PLCXD2: variants seen among roughly 807,000 people sequenced by gnomAD.
The protein encoded by PLCXD2 is PI-PLC X domain-containing protein 2.
Under a neutral mutation model 28.6 loss-of-function variants are expected in PLCXD2, and 21 were observed. The observed-to-expected ratio is 0.73, with a 90% CI of 0.52 to 1.06. PLCXD2 has a LOEUF of 1.06. PLCXD2 is among the 50% of genes least tolerant of loss of function. The pLI is 0.00. For missense variants in PLCXD2, 369 were observed against 376.7 expected (o/e 0.98, Z 0.17); for synonymous variants, 140 against 150.1 (o/e 0.93, Z 0.49).
In PLCXD2 at chr3:111,708,360, C is replaced by G; in HGVS notation, c.598C>G (p.Arg200Gly). 1 of 1,613,850 alleles carries G rather than the reference C, an allele frequency of 6.2e-7. No individual in the cohort carries two copies. The highest frequency in any genetic ancestry group is 8.5e-7 in the Non-Finnish European group (1 of 1,179,968). The change falls in exon 2 of 5, where the codon CGA (arginine) becomes GGA (glycine). Residue 200 changes from arginine to glycine, a missense_variant. Transcript: ENST00000477665. ...CTGCAGTGTGGAAAGTTTGACGCTG[C>G]GAACTCTGTGGGAGAAGAACTGCCA...
rs751872957 is a variant in PLCXD2, at chr3:111,708,206, G to C, written c.444G>C (p.Ser148=). 3 of 1,614,096 alleles carry C rather than the reference G, an allele frequency of 1.9e-6. No individual in the cohort carries two copies. Among genetic ancestry groups the C allele is most frequent in the South Asian group, 2.2e-5 (2 of 91,076 alleles). ...GGGATGGGCTGATGGAAATTGACTCGTTTCTTACACAGCACCCCCAGGAGA... is the reference window on the plus strand; with the variant it reads ...GGGATGGGCTGATGGAAATTGACTCCTTTCTTACACAGCACCCCCAGGAGA... Residue 148 remains serine (S), a synonymous_variant, in exon 2 of 5, where the codon TCG becomes TCC. Coordinates refer to ENST00000477665, the MANE Select transcript of PLCXD2 (RefSeq NM_001185106.1).
At chr3:111,719,734 T>C (rs1006632398) in intron 3 of PLCXD2, among the ~76,000 whole-genome samples, 1 of 152,206 alleles carries the variant, frequency 6.6e-6, no homozygotes, top group African/African-American at 2.4e-5. Context: ...CTGTTGCCTC[T>C]GGGAGAATGG....
chr3:111,715,862 T>C (rs1941260126), intron 3 of PLCXD2, among the ~76,000 whole-genome samples: 1 of 152,230 alleles, frequency 6.6e-6, no homozygotes, highest in South Asian at 2.1e-4. Flanking sequence ...CCTGCAGTTG[T>C]CTTATTAGTA....
At chr3:111,688,612 C>T (rs1046457747) in intron 1 of PLCXD2, among the ~76,000 whole-genome samples, 1 of 152,218 alleles carries the variant, frequency 6.6e-6, no homozygotes, top group African/African-American at 2.4e-5. Context: ...CCATAAATCA[C>T]ATCCTTATAC....
chr3:111,694,368 A>C (rs1279629291), intron 1 of PLCXD2, among the ~76,000 whole-genome samples: 1 of 152,210 alleles, frequency 6.6e-6, no homozygotes, highest in Non-Finnish European at 1.5e-5. Context: ...TCCAGCTACC[A>C]GTATTCACTG....
At chr3:111,703,790 T>C (rs539239063) in intron 1 of PLCXD2, among the ~76,000 whole-genome samples, 1 of 152,198 alleles carries the variant, frequency 6.6e-6, no homozygotes, top group Non-Finnish European at 1.5e-5. Context: ...TTAACAGAGA[T>C]AACCAATGTG....
intron 2 of PLCXD2, among the ~76,000 whole-genome samples, chr3:111,710,741 G>A (rs868439013): frequency 1.2e-4 from 18 of 152,204 alleles, no homozygotes; most frequent in Non-Finnish European, 1.6e-4. Context: ...CAGAATGGGA[G>A]AAAGGGATGG....
At chr3:111,691,007 T>A (rs1004304518) in intron 1 of PLCXD2, among the ~76,000 whole-genome samples, 4 of 152,216 alleles carry the variant, frequency 2.6e-5, no homozygotes, top group South Asian at 4.1e-4. Context: ...GCCAATGCAT[T>A]TAATCACTGT....
At chr3:111,715,828 G>T (rs946062796) in intron 3 of PLCXD2, among the ~76,000 whole-genome samples, 1 of 152,154 alleles carries the variant, frequency 6.6e-6, no homozygotes, top group Non-Finnish European at 1.5e-5. Context: ...ATATTTTTGT[G>T]CTTATTCTTT....
At chr3:111,700,456 T>C (rs1941025304) in intron 1 of PLCXD2, among the ~76,000 whole-genome samples, 1 of 152,232 alleles carries the variant, frequency 6.6e-6, no homozygotes, top group Non-Finnish European at 1.5e-5. Flanking sequence ...GGGACTTGTA[T>C]GTCCATATTT....
At chr3:111,695,005 A>C (rs971086882) in intron 1 of PLCXD2, among the ~76,000 whole-genome samples, 2 of 152,184 alleles carry the variant, frequency 1.3e-5, no homozygotes, top group Non-Finnish European at 2.9e-5. Flanking sequence ...GTTTTTAATC[A>C]GGGTGAACTT....
intron 3 of PLCXD2, chr3:111,725,778 A>T: frequency 2.5e-6 from 1 of 398,578 alleles, no homozygotes; most frequent in South Asian, 1.3e-4. Flanking sequence ...GGGGGAATTC[A>T]GGCTCACCAT....
At chr3:111,699,179 G>T (rs1279670175) in intron 1 of PLCXD2, among the ~76,000 whole-genome samples, 2 of 152,122 alleles carry the variant, frequency 1.3e-5, no homozygotes, top group East Asian at 3.9e-4. Context: ...CCCAGATGGG[G>T]AGTTTCTCTC....
chr3:111,679,400 C>A (rs1331014752), intron 1 of PLCXD2, among the ~76,000 whole-genome samples: 3 of 152,198 alleles, frequency 2.0e-5, no homozygotes, highest in Non-Finnish European at 4.4e-5. Context: ...TACTTCTCAA[C>A]ACATTGTTAT....
At chr3:111,690,837 C>G (rs915092607) in intron 1 of PLCXD2, among the ~76,000 whole-genome samples, 2 of 152,198 alleles carry the variant, frequency 1.3e-5, no homozygotes, top group Admixed American at 6.5e-5. Flanking sequence ...TAAAATAACT[C>G]TGCCCTGTGA....
At chr3:111,697,428 A>G (rs1245513931) in intron 1 of PLCXD2, among the ~76,000 whole-genome samples, 1 of 152,234 alleles carries the variant, frequency 6.6e-6, no homozygotes, top group Non-Finnish European at 1.5e-5. Context: ...GAACTAACAT[A>G]AACTTGGCCA....
intron 1 of PLCXD2, chr3:111,692,648 T>C (rs1030480340): frequency 6.6e-6 from 1 of 152,258 alleles, no homozygotes; most frequent in Non-Finnish European, 1.5e-5. Context: ...CTTTATTTAT[T>C]GAGAGGGTAA....
At chr3:111,684,505 T>C (rs1037696219) in intron 1 of PLCXD2, among the ~76,000 whole-genome samples, 7 of 151,590 alleles carry the variant, frequency 4.6e-5, no homozygotes, top group African/African-American at 1.7e-4. Flanking sequence ...AATACAAAAA[T>C]TAGCCAGGCA....
intron 1 of PLCXD2, among the ~76,000 whole-genome samples, chr3:111,706,335 T>C (rs1941117728): frequency 6.6e-6 from 1 of 152,242 alleles, no homozygotes; most frequent in African/African-American, 2.4e-5. Context: ...CTTTTCGCTC[T>C]TGATTGTTTC....
Sources: gnomAD v4.1 joint callset for allele counts (sites outside exome capture counted in the v4.1 genomes callset) on GRCh38, gnomAD v4.1.1 for gene constraint, MANE v1.5 for transcripts, NCBI Gene and HGNC (gene_info 2026-07-23, HGNC 2026-07-21) for gene names.